Variants in MYL4 observed in about 807,000 individuals in gnomAD.
MYL4 encodes myosin light chain 4.
A neutral mutation model predicts 21.6 loss-of-function variants in MYL4; 16 were observed. That is an observed-to-expected ratio of 0.74 (90% confidence interval 0.50 to 1.12). The LOEUF (loss-of-function observed/expected upper bound fraction) is 1.12, where lower values mean the gene tolerates loss of function less well. MYL4 is among the 50% of genes most tolerant of loss of function. The probability of loss-of-function intolerance (pLI) is 0.00; values close to 1 mark genes in which losing one functional copy is unlikely to be tolerated. For missense variants in MYL4, 249 were observed against 252.9 expected, an observed-to-expected ratio of 0.98 and a Z score of 0.11; for synonymous variants, 82 against 95.7, an observed-to-expected ratio of 0.86 and a Z score of 0.83.
intron 2 of MYL4, among the ~76,000 whole-genome samples, chr17:47,215,576 A>T (rs577281705): frequency 1.3e-5 from 2 of 152,266 alleles, no homozygotes; most frequent in East Asian, 3.9e-4. Flanking sequence ...ATTAGCCCTA[A>T]TTCTTCCATT....
chr17:47,221,634 A>G (rs1288950813), intron 3 of MYL4, 48 bp from the exon 4 acceptor site: 4 of 1,575,018 alleles, frequency 2.5e-6, no homozygotes, highest in Non-Finnish European at 3.4e-6. Context: ...TGCTCCCTTG[A>G]GCACCTGCTC....
At chr17:47,222,079 G>T (rs2064860882) in intron 4 of MYL4, among the ~76,000 whole-genome samples, 1 of 152,154 alleles carries the variant, frequency 6.6e-6, no homozygotes, top group South Asian at 2.1e-4. Flanking sequence ...GGGAGAGCAG[G>T]TTGGCAGAGC....
chr17:47,195,778 G>C (rs775293302), upstream of MYL4, among the ~76,000 whole-genome samples: 1 of 152,176 alleles, frequency 6.6e-6, no homozygotes, highest in African/African-American at 2.4e-5. Context: ...CTCTGGGATA[G>C]CTTGGCTCTC....
At chr17:47,198,665 G>T (rs12938161), upstream of MYL4, among the ~76,000 whole-genome samples, 1 of 152,194 alleles carries the variant, frequency 6.6e-6, no homozygotes, top group Non-Finnish European at 1.5e-5. Context: ...GAGAGCCTCA[G>T]ATGAGAAATA....
At chr17:47,218,143 T>C (rs1054608361) in intron 2 of MYL4, among the ~76,000 whole-genome samples, 1 of 152,038 alleles carries the variant, frequency 6.6e-6, no homozygotes, top group African/African-American at 2.4e-5. Context: ...TTGTCCAAAG[T>C]CAAGCAATGG....
At chr17:47,209,678 C>A in intron 1 of MYL4, 121 bp downstream of exon 1, 1 of 1,485,672 alleles carries the variant, frequency 6.7e-7, no homozygotes, top group Non-Finnish European at 9.4e-7. Context: ...TGTCCATGCC[C>A]CAGATCGCAG....
At chr17:47,219,850 C>G in intron 2 of MYL4, 54 bp from the exon 3 acceptor site, 2 of 1,611,616 alleles carry the variant, frequency 1.2e-6, no homozygotes, top group Non-Finnish European at 1.7e-6. Flanking sequence ...GATTGGCCAC[C>G]AGCCACCACC....
upstream of MYL4, among the ~76,000 whole-genome samples, chr17:47,205,677 C>G (rs904619691): frequency 1.3e-5 from 2 of 152,208 alleles, no homozygotes; most frequent in East Asian, 3.8e-4. Flanking sequence ...TGAGGAGCGT[C>G]TCCTCCCCTG....
chr17:47,222,568 A>G lies in MYL4; in HGVS notation c.565+111A>G, dbSNP rs2064864947. 7 of 890,204 alleles carry G rather than the reference A, an allele frequency of 7.9e-6. No homozygotes were observed. The East Asian group carries it at 1.6e-4, about 20-fold the overall frequency. The allele number at this position is 890,204 out of a possible 1,614,324, so 55.1% of individuals were successfully genotyped here. ...GTATGTGTCTGAGGTGGGTTTTTGT[A>G]GACCCCCCATTGGATGTTGTTCTGT... On this transcript the variant is annotated intron_variant, in intron 5 of 6. Transcript: ENST00000393450.
intron 5 of MYL4, 115 bp downstream of exon 5, chr17:47,222,572 C>T (rs1311900348): frequency 2.4e-6 from 2 of 846,136 alleles, no homozygotes; most frequent in Middle Eastern, 3.3e-4. Flanking sequence ...TTTTGTAGAC[C>T]CCCCATTGGA....
chr17:47,203,769 T>C (rs992474268), intron 1 of MYL4, among the ~76,000 whole-genome samples: 1 of 152,212 alleles, frequency 6.6e-6, no homozygotes, highest in African/African-American at 2.4e-5. Flanking sequence ...TGTCCAACAA[T>C]GCATACTAGT....
intron 1 of MYL4, among the ~76,000 whole-genome samples, chr17:47,210,499 C>A (rs1026780875): frequency 6.6e-6 from 1 of 152,126 alleles, no homozygotes; most frequent in Non-Finnish European, 1.5e-5. Context: ...CTATTAATAA[C>A]AGGTTGGGAG....
At chr17:47,189,565 G>A in the MYL4 span, 2 of 327,472 alleles carry the variant, frequency 6.1e-6, no homozygotes, top group Admixed American at 8.3e-5. Flanking sequence ...CAACCAGCAG[G>A]CTGGGCGTGG....
upstream of MYL4, among the ~76,000 whole-genome samples, chr17:47,195,687 C>T (rs1180001453): frequency 6.6e-6 from 1 of 152,184 alleles, no homozygotes; most frequent in Non-Finnish European, 1.5e-5. Context: ...CTCTTAATTC[C>T]ACTCTTCATC....
rs1335950112 is a variant in MYL4, at chr17:47,213,800, T to C, written c.137T>C (p.Ile46Thr). ...TCACTACTATTTCCCTCCCTACAGA[T>C]AGACTTCACTGCCGACCAGATTGAA... The part of the protein sequence containing the change: ...EPAFDPKSVK[I>T]DFTADQIEEF... Residue 46 changes from isoleucine (I) to threonine (T), a missense_variant and splice_region_variant, in exon 2 of 7, where the codon ATA becomes ACA. Coordinates refer to ENST00000393450, the MANE Select transcript of MYL4 (RefSeq NM_002476.2). The C allele has an allele frequency of 3.7e-6, 6 of 1,613,980 alleles. No individual in the cohort carries two copies. Among genetic ancestry groups the C allele is most frequent in the African/African-American group, 1.3e-5 (1 of 74,902 alleles).
upstream of MYL4, among the ~76,000 whole-genome samples, chr17:47,197,573 T>C (rs2064694094): frequency 6.6e-6 from 1 of 152,186 alleles, no homozygotes; most frequent in South Asian, 2.1e-4. Flanking sequence ...TTATGATTTT[T>C]TGACTTTATG....
chr17:47,193,487 C>T, the MYL4 span, among the ~76,000 whole-genome samples: 6 of 152,106 alleles, frequency 3.9e-5, no homozygotes, highest in Admixed American at 2.6e-4. Context: ...GGGCTGGTCT[C>T]GAACTCTTGA....
At chr17:47,201,824 A>G (rs1156711309) in intron 1 of MYL4, among the ~76,000 whole-genome samples, 1 of 152,140 alleles carries the variant, frequency 6.6e-6, no homozygotes, top group Non-Finnish European at 1.5e-5. Context: ...CTAGGCAATT[A>G]TTGAATACTT....
chr17:47,197,496 G>T (rs963628072), upstream of MYL4, among the ~76,000 whole-genome samples: 1 of 152,104 alleles, frequency 6.6e-6, no homozygotes, highest in Non-Finnish European at 1.5e-5. Flanking sequence ...GTGCTAAATG[G>T]CGTATGACTA....
Sources: gnomAD v4.1 joint callset for allele counts (sites outside exome capture counted in the v4.1 genomes callset) on GRCh38, gnomAD v4.1.1 for gene constraint, MANE v1.5 for transcripts, NCBI Gene and HGNC (gene_info 2026-07-23, HGNC 2026-07-21) for gene names.